PRKG1: variants seen among roughly 807,000 people sequenced by gnomAD.
PRKG1 encodes the protein protein kinase cGMP-dependent 1.
A neutral mutation model predicts 88.1 loss-of-function variants in PRKG1; 35 were observed. That is an observed-to-expected ratio of 0.40 (90% CI 0.30 to 0.53). The LOEUF (loss-of-function observed/expected upper bound fraction) is 0.53, where lower values mean the gene tolerates loss of function less well. Among genes scored for constraint, PRKG1 ranks in the 20% least tolerant of loss-of-function variants. The pLI, the probability that PRKG1 is intolerant of heterozygous loss-of-function variation, is 0.59. For synonymous variants in PRKG1, 303 were observed against 292.5 expected (o/e 1.04, Z -0.37); for missense variants, 540 against 839.8 (o/e 0.64, Z 4.41).
chr10:51,659,590 T>A (rs1840244832), intron 3 of PRKG1, among the ~76,000 whole-genome samples: 1 of 152,138 alleles, frequency 6.6e-6, no homozygotes, highest in Non-Finnish European at 1.5e-5. Flanking sequence ...AGTATGAGTA[T>A]AGCTATCTCC....
In PRKG1 at chr10:51,746,680, G is replaced by A. The variant is rs144535991; in HGVS notation, c.593-57905G>A. Among the ~76,000 whole-genome samples, 79 of 150,784 alleles carry A rather than the reference G, an allele frequency of 5.2e-4. 3 individuals carry two copies. The East Asian group carries it at 0.015, about 28-fold the overall frequency. On this transcript the variant is annotated intron_variant, in intron 3 of 17. Coordinates refer to ENST00000373980, the MANE Select transcript of PRKG1 (RefSeq NM_006258.4). ...GGAGGTTGCAATGAGCAGATATGAG[G>A]TCACCGCACTGTAGCCTGGGTGACA...
At chr10:51,436,511 C>T (rs947804796) in intron 2 of PRKG1, among the ~76,000 whole-genome samples, 4 of 151,940 alleles carry the variant, frequency 2.6e-5, no homozygotes, top group African/African-American at 9.7e-5. Context: ...GACTAACATC[C>T]ATTGAGCATA....
At chr10:51,846,400 C>A (rs1412621227) in intron 4 of PRKG1, among the ~76,000 whole-genome samples, 1 of 152,054 alleles carries the variant, frequency 6.6e-6, no homozygotes, top group Non-Finnish European at 1.5e-5. Flanking sequence ...TTAACATAAC[C>A]TCATAACTCA....
chr10:51,372,563 C>T (rs1842726101), intron 2 of PRKG1, among the ~76,000 whole-genome samples: 1 of 152,110 alleles, frequency 6.6e-6, no homozygotes, highest in African/African-American at 2.4e-5. Flanking sequence ...AAATAGTGGA[C>T]TGCCTTTTCT....
At position 52,222,771 on chromosome 10, in the gene PRKG1, T is replaced by A. The variant is rs552718340; in HGVS notation, c.1077-28799T>A. Among the ~76,000 whole-genome samples, 3 of 152,324 alleles carry A rather than the reference T, an allele frequency of 2.0e-5. No individual in the cohort carries two copies. In the South Asian group the frequency reaches 6.2e-4, roughly 32 times the overall value. On this transcript the variant is annotated intron_variant, in intron 9 of 17. Coordinates refer to ENST00000373980, the MANE Select transcript of PRKG1 (RefSeq NM_006258.4). The stretch of plus-strand genomic sequence containing the variant: ...ATAATGCCTACCACATATTATGCAG[T>A]CGTTAGATAAAACAGCTGTTTGTGT...
intron 5 of PRKG1, among the ~76,000 whole-genome samples, chr10:51,982,738 TC>T (rs1844043311): frequency 1.3e-5 from 2 of 152,160 alleles, no homozygotes; most frequent in Admixed American, 1.3e-4. Flanking sequence ...ATGGGTAGTG[TC>T]AGCAAAAGTG....
At chr10:51,494,861 A>G (rs1193373602) in intron 3 of PRKG1, among the ~76,000 whole-genome samples, 1 of 152,058 alleles carries the variant, frequency 6.6e-6, no homozygotes, top group Non-Finnish European at 1.5e-5. Flanking sequence ...TTATTATGCT[A>G]TTTGTAATTA....
chr10:52,294,698 G>A lies in PRKG1; in HGVS notation c.*798G>A, dbSNP rs962853570. On this transcript the variant is annotated 3_prime_UTR_variant, in exon 18 of 18. Transcript: ENST00000373980. ...ACCATTTCATATTTTTTAAAATATT[G>A]TGCTTAAAGATGGTCCTGGAAGTAA... 1.3e-5 allele frequency: 2 copies of A among 152,322 alleles called. No homozygotes were observed. The highest frequency in any genetic ancestry group is 2.9e-5 in the Non-Finnish European group (2 of 67,976). 9.4% of individuals were successfully genotyped at this position (152,322 alleles called of 1,614,324 possible).
At chr10:51,756,369 C>T (rs891145186) in intron 3 of PRKG1, among the ~76,000 whole-genome samples, 1 of 151,880 alleles carries the variant, frequency 6.6e-6, no homozygotes, top group African/African-American at 2.4e-5. Context: ...TGCCTGTTCT[C>T]CCAGTTAGTT....
At chr10:51,818,626 G>C (rs1839654859) in intron 4 of PRKG1, among the ~76,000 whole-genome samples, 1 of 152,118 alleles carries the variant, frequency 6.6e-6, no homozygotes, top group Non-Finnish European at 1.5e-5. Context: ...CCAGATGTTT[G>C]CTTTCTGAGA....
intron 3 of PRKG1, among the ~76,000 whole-genome samples, chr10:51,603,924 C>T (rs536640302): frequency 4.6e-5 from 7 of 152,178 alleles, no homozygotes; most frequent in South Asian, 2.1e-4. Flanking sequence ...AAGGCTGTCA[C>T]GCTGGGATGG....
intron 5 of PRKG1, among the ~76,000 whole-genome samples, chr10:51,988,621 T>TAAG (rs1467010820): frequency 1.3e-5 from 2 of 152,106 alleles, no homozygotes; most frequent in East Asian, 3.8e-4. Flanking sequence ...CATTTTTCCA[T>TAAG]AAGTATTGGC....
chr10:51,699,331 G>A, intron 3 of PRKG1: 1 of 1,614,092 alleles, frequency 6.2e-7, no homozygotes, highest in South Asian at 1.1e-5. Flanking sequence ...GGTTCCGCAT[G>A]GCACTAAGCG....
At chr10:51,840,041 A>C (rs1840231194) in intron 4 of PRKG1, among the ~76,000 whole-genome samples, 1 of 152,160 alleles carries the variant, frequency 6.6e-6, no homozygotes, top group African/African-American at 2.4e-5. Context: ...TCAGGAGCAA[A>C]TTATTTGCCA....
chr10:51,125,526 A>G (rs1845373505), intron 1 of PRKG1, among the ~76,000 whole-genome samples: 1 of 149,818 alleles, frequency 6.7e-6, no homozygotes, highest in Admixed American at 6.6e-5. Context: ...CTACAGAAAT[A>G]CAAAAATTAG....
intron 3 of PRKG1, among the ~76,000 whole-genome samples, chr10:51,468,629 G>T (rs1839969184): frequency 6.6e-6 from 1 of 151,788 alleles, no homozygotes; most frequent in Non-Finnish European, 1.5e-5. Flanking sequence ...GCAAACGTGT[G>T]TATTTCATGT....
Position 51,221,967 on chromosome 10 carries a change from C to T in PRKG1, c.478+68637C>T, listed in dbSNP as rs542745044. On this transcript the variant is annotated intron_variant, in intron 2 of 17. Coordinates refer to ENST00000373980, the MANE Select transcript of PRKG1 (RefSeq NM_006258.4). ...TTGGCTCACTGTAACTTCTGTATCC[C>T]GGGTTCAAGCAATTCTCCTGCCTTG... 7.3e-5 allele frequency among the ~76,000 whole-genome samples: 11 copies of T among 150,996 alleles called. No individual in the cohort carries two copies. In the South Asian group the frequency reaches 8.4e-4, roughly 12 times the overall value.
At chr10:51,262,358 C>A (rs1019164249) in intron 2 of PRKG1, among the ~76,000 whole-genome samples, 5 of 152,144 alleles carry the variant, frequency 3.3e-5, no homozygotes, top group African/African-American at 9.7e-5. Flanking sequence ...TCATCAAATT[C>A]TTGACTAAAG....
intron 5 of PRKG1, among the ~76,000 whole-genome samples, chr10:51,975,133 G>A (rs1564735578): frequency 6.6e-6 from 1 of 152,040 alleles, no homozygotes; most frequent in Non-Finnish European, 1.5e-5. Context: ...CTCTTCAATT[G>A]CAAGATATTT....
Sources: allele counts gnomAD v4.1 joint callset (sites outside exome capture counted in the v4.1 genomes callset), GRCh38; gene constraint gnomAD v4.1.1; transcripts MANE v1.5; gene names NCBI Gene and HGNC (gene_info 2026-07-23, HGNC 2026-07-21).